Variants in GPC5 observed in about 807,000 individuals in gnomAD.
GPC5 encodes glypican-5.
A neutral mutation model predicts 53.9 loss-of-function variants in GPC5; 47 were observed. That is an observed-to-expected ratio of 0.87 (90% CI 0.69 to 1.11). The LOEUF (loss-of-function observed/expected upper bound fraction) is 1.11. Ranked by LOEUF, GPC5 falls within the 50% of genes most tolerant of loss-of-function variation. The pLI is 0.00. For missense variants in GPC5, 748 were observed against 713.1 expected (o/e 1.05, Z -0.56); for synonymous variants, 286 against 263.3 (o/e 1.09, Z -0.84).
rs574667301 is a variant in GPC5 at position 91,988,844 on chromosome 13, G to A, written c.1401+80787G>A. On this transcript the variant is annotated intron_variant, in intron 6 of 7. Transcript: ENST00000377067. Reference sequence around the variant, plus strand: ...CGTCTTCCTTGCTTGATTAGCACTTGGTCAAAACCTCAATTCTGGAGTGTT... The same window carrying A: ...CGTCTTCCTTGCTTGATTAGCACTTAGTCAAAACCTCAATTCTGGAGTGTT... Among the ~76,000 whole-genome samples, 11 of 149,754 alleles carry A rather than the reference G, an allele frequency of 7.3e-5. No individual in the cohort carries two copies. In the East Asian group the frequency reaches 1.9e-3, roughly 26 times the overall value.
intron 7 of GPC5, among the ~76,000 whole-genome samples, chr13:92,578,154 T>C (rs1594318242): frequency 6.6e-6 from 1 of 152,258 alleles, no homozygotes; most frequent in East Asian, 1.9e-4. Flanking sequence ...TTATTTTCTG[T>C]TGTGAATGGT....
chr13:92,605,950 T>C (rs1406081991), intron 7 of GPC5, among the ~76,000 whole-genome samples: 1 of 152,044 alleles, frequency 6.6e-6, no homozygotes, highest in African/African-American at 2.4e-5. Context: ...AGGAGGAAAC[T>C]GCAACTTTTA....
At chr13:91,952,815 G>A (rs945596466) in intron 6 of GPC5, among the ~76,000 whole-genome samples, 2 of 152,130 alleles carry the variant, frequency 1.3e-5, no homozygotes, top group African/African-American at 4.8e-5. Flanking sequence ...TGGCTAAACT[G>A]AAACTGTGAA....
intron 7 of GPC5, among the ~76,000 whole-genome samples, chr13:92,568,033 A>G (rs1185663577): frequency 6.6e-6 from 1 of 152,172 alleles, no homozygotes; most frequent in Non-Finnish European, 1.5e-5. Flanking sequence ...TTAGTTTGTT[A>G]TAATATTGGC....
At chr13:92,626,250 G>T (rs1442234753) in intron 7 of GPC5, among the ~76,000 whole-genome samples, 1 of 152,094 alleles carries the variant, frequency 6.6e-6, no homozygotes, top group Non-Finnish European at 1.5e-5. Flanking sequence ...AAAATATTAG[G>T]TTTGAAGGGG....
At chr13:92,144,798 A>C (rs201259149) in intron 6 of GPC5, 32 bp from the exon 7 acceptor site, 1 of 1,586,812 alleles carries the variant, frequency 6.3e-7, no homozygotes, top group Non-Finnish European at 8.6e-7. Flanking sequence ...CAAATTTGCT[A>C]TTAGTAAAGG....
rs569859343 is a variant in GPC5, at chr13:92,531,584, A to C, written c.1562-334698A>C. Among the ~76,000 whole-genome samples the C allele has an allele frequency of 1.1e-3, 173 of 152,258 alleles. 1 individual carries two copies. The highest frequency in any genetic ancestry group is 4.1e-3 in the African/African-American group (170 of 41,572). On this transcript the variant is annotated intron_variant, in intron 7 of 7. Coordinates refer to ENST00000377067, the MANE Select transcript of GPC5 (RefSeq NM_004466.6). ...TGTCTGTATAAACAGATTAAATCTTATGATCACCTTCATCAGATCTTGCCA... is the reference window on the plus strand; with the variant it reads ...TGTCTGTATAAACAGATTAAATCTTCTGATCACCTTCATCAGATCTTGCCA...
At chr13:92,844,502 T>G (rs947979247) in intron 7 of GPC5, among the ~76,000 whole-genome samples, 2 of 151,880 alleles carry the variant, frequency 1.3e-5, no homozygotes. Flanking sequence ...CCTTAATACA[T>G]CTTTTTGCAT....
At chr13:92,031,673 T>C (rs1301894766) in intron 6 of GPC5, among the ~76,000 whole-genome samples, 1 of 96,524 alleles carries the variant, frequency 1.0e-5, no homozygotes, top group Non-Finnish European at 1.9e-5. Flanking sequence ...TTGTGGTATA[T>C]ATAATATATA....
At chr13:91,872,816 C>G (rs1210315110) in intron 5 of GPC5, among the ~76,000 whole-genome samples, 6 of 151,932 alleles carry the variant, frequency 3.9e-5, no homozygotes, top group Admixed American at 3.9e-4. Context: ...AAAATGAAGT[C>G]AATATTAAAT....
In GPC5 at chr13:92,552,125, C is replaced by A. The variant is rs545789052; in HGVS notation, c.1562-314157C>A. ...TTTGAGAATTTGGTGTAATATTTCACAAAACCATCGTGGAAATACTAATTT... is the reference window on the plus strand; with the variant it reads ...TTTGAGAATTTGGTGTAATATTTCAAAAAACCATCGTGGAAATACTAATTT... On this transcript the variant is annotated intron_variant, in intron 7 of 7. Transcript: ENST00000377067. Among the ~76,000 whole-genome samples, 19 of 151,892 alleles carry A rather than the reference C, an allele frequency of 1.3e-4. No individual in the cohort carries two copies. The East Asian group carries it at 1.7e-3, about 14-fold the overall frequency.
intron 7 of GPC5, among the ~76,000 whole-genome samples, chr13:92,256,201 A>G (rs562647579): frequency 3.7e-4 from 56 of 152,002 alleles, no homozygotes; most frequent in African/African-American, 1.3e-3. Flanking sequence ...TTTTTGTAGT[A>G]TAATTACTGA....
intron 3 of GPC5, among the ~76,000 whole-genome samples, chr13:91,708,161 G>A (rs762563776): frequency 6.6e-6 from 1 of 152,114 alleles, no homozygotes; most frequent in Non-Finnish European, 1.5e-5. Context: ...AGGTATTCAC[G>A]GAAACAAGAC....
chr13:92,270,560 T>A (rs71427541), intron 7 of GPC5, among the ~76,000 whole-genome samples: 6,238 of 152,268 alleles, frequency 0.041, 282 homozygotes, highest in African/African-American at 0.1. Context: ...CCTCTTTTCT[T>A]TGTAAGTTAC....
intron 7 of GPC5, among the ~76,000 whole-genome samples, chr13:92,279,317 A>C (rs2139166111): frequency 6.6e-6 from 1 of 151,994 alleles, no homozygotes; most frequent in South Asian, 2.1e-4. Context: ...TCTGTGTTTG[A>C]TTGTTCATTG....
At chr13:91,963,848 T>A (rs1164723304) in intron 6 of GPC5, among the ~76,000 whole-genome samples, 1 of 152,068 alleles carries the variant, frequency 6.6e-6, no homozygotes, top group Non-Finnish European at 1.5e-5. Flanking sequence ...GGAAGAAGCA[T>A]CAATCATAGA....
chr13:92,269,053 T>C (rs1219601702), intron 7 of GPC5, among the ~76,000 whole-genome samples: 1 of 152,140 alleles, frequency 6.6e-6, no homozygotes, highest in Non-Finnish European at 1.5e-5. Flanking sequence ...AAATGCTTTT[T>C]CCCAGTTTAT....
intron 3 of GPC5, among the ~76,000 whole-genome samples, chr13:91,712,490 T>G (rs890522285): frequency 3.3e-5 from 5 of 152,132 alleles, no homozygotes; most frequent in African/African-American, 1.2e-4. Context: ...CCATAATATG[T>G]AATATGGATT....
chr13:91,623,802 T>C (rs956169121), intron 2 of GPC5, among the ~76,000 whole-genome samples: 1 of 152,104 alleles, frequency 6.6e-6, no homozygotes, highest in Admixed American at 6.6e-5. Context: ...AGAGAGCAGA[T>C]AGCAGATGCT....
Sources: allele counts gnomAD v4.1 joint callset (sites outside exome capture counted in the v4.1 genomes callset), GRCh38; gene constraint gnomAD v4.1.1; transcripts MANE v1.5; gene names NCBI Gene and HGNC (gene_info 2026-07-23, HGNC 2026-07-21).